The following ATP8A2 variants were observed in gnomAD, a reference collection of about 807,000 sequenced individuals.
ATP8A2 encodes phospholipid-transporting ATPase IB.
In ATP8A2, 100 loss-of-function variants were observed where a neutral mutation model predicts 165.6. The observed-to-expected ratio is 0.60, with a 90% CI of 0.51 to 0.71. ATP8A2 has a LOEUF of 0.71. ATP8A2 is among the 30% of genes least tolerant of loss of function. The probability of loss-of-function intolerance (pLI) is 0.00; values close to 1 mark genes in which losing one functional copy is unlikely to be tolerated. For synonymous variants in ATP8A2, 543 were observed against 548.8 expected (o/e 0.99, Z 0.15); for missense variants, 1,227 against 1,479.5 (o/e 0.83, Z 2.80).
chr13:26,014,662 T>A (rs1956926708), intron 36 of ATP8A2, among the ~76,000 whole-genome samples: 1 of 152,118 alleles, frequency 6.6e-6, no homozygotes, highest in African/African-American at 2.4e-5. Context: ...AAAACAAAAC[T>A]GTCTATGGGA....
chr13:25,978,650 A>T (rs1956112869), intron 35 of ATP8A2, among the ~76,000 whole-genome samples: 2 of 152,162 alleles, frequency 1.3e-5, no homozygotes, highest in South Asian at 4.2e-4. Flanking sequence ...CAAAAAGAAG[A>T]CTCAGGAGAG....
At chr13:25,673,778 G>A (rs1459906451) in intron 24 of ATP8A2, among the ~76,000 whole-genome samples, 1 of 152,160 alleles carries the variant, frequency 6.6e-6, no homozygotes, top group East Asian at 1.9e-4. Context: ...TATAAAATGA[G>A]TCCAGTAATT....
At chr13:25,855,222 G>A (rs1445140192) in intron 30 of ATP8A2, among the ~76,000 whole-genome samples, 3 of 149,520 alleles carry the variant, frequency 2.0e-5, no homozygotes, top group Non-Finnish European at 4.4e-5. Context: ...TTGCACTCCA[G>A]CCTGGGCGAC....
chr13:25,686,459 G>C (rs150122157), intron 24 of ATP8A2, among the ~76,000 whole-genome samples: 40 of 152,200 alleles, frequency 2.6e-4, no homozygotes, highest in African/African-American at 9.2e-4. Context: ...CAGTATCCCA[G>C]TATCAGGGAG....
chr13:25,567,794 TGAA>T (rs2039358303), intron 16 of ATP8A2, among the ~76,000 whole-genome samples: 1 of 152,192 alleles, frequency 6.6e-6, no homozygotes. Flanking sequence ...ACTACAATAA[TGAA>T]GACCATAGAA....
intron 25 of ATP8A2, among the ~76,000 whole-genome samples, chr13:25,758,838 AT>A (rs1406430470): frequency 6.6e-6 from 1 of 152,158 alleles, no homozygotes; most frequent in Non-Finnish European, 1.5e-5. Flanking sequence ...AAGCATTATT[AT>A]TTCCCGCTAT....
chr13:25,411,840 AG>A (rs2033975475), intron 1 of ATP8A2, among the ~76,000 whole-genome samples: 1 of 152,188 alleles, frequency 6.6e-6, no homozygotes, highest in Admixed American at 6.5e-5. Context: ...CATTTCTCTA[AG>A]TGGTAGGATT....
chr13:25,717,731 G>A (rs982283446), intron 25 of ATP8A2, among the ~76,000 whole-genome samples: 1 of 152,210 alleles, frequency 6.6e-6, no homozygotes, highest in Non-Finnish European at 1.5e-5. Flanking sequence ...ATGAATGGCT[G>A]TCCTTTGGTG....
At chr13:25,689,985 C>A in intron 24 of ATP8A2, among the ~76,000 whole-genome samples, 1 of 152,132 alleles carries the variant, frequency 6.6e-6, no homozygotes, top group East Asian at 1.9e-4. Flanking sequence ...AGAGATTTAA[C>A]AGTATTCAAG....
chr13:25,635,708 T>C (rs1009604136), intron 24 of ATP8A2, among the ~76,000 whole-genome samples: 7 of 152,172 alleles, frequency 4.6e-5, no homozygotes, highest in Non-Finnish European at 7.3e-5. Context: ...TGCTCAAGTT[T>C]TGAAGATTTC....
intron 25 of ATP8A2, among the ~76,000 whole-genome samples, chr13:25,726,394 G>T (rs1179159796): frequency 6.6e-6 from 1 of 152,228 alleles, no homozygotes; most frequent in South Asian, 2.1e-4. Context: ...CAAAGGTAGT[G>T]GCTTAAAACA....
At chr13:25,989,673 C>T (rs941618795) in intron 35 of ATP8A2, among the ~76,000 whole-genome samples, 1 of 152,156 alleles carries the variant, frequency 6.6e-6, no homozygotes, top group Admixed American at 6.5e-5. Context: ...ATTCTCTCCT[C>T]TATTTATTTT....
intron 24 of ATP8A2, among the ~76,000 whole-genome samples, chr13:25,595,419 G>A (rs1413268568): frequency 6.6e-6 from 1 of 152,190 alleles, no homozygotes; most frequent in East Asian, 1.9e-4. Flanking sequence ...CTGTGGATGG[G>A]TGTGGCCATA....
intron 24 of ATP8A2, among the ~76,000 whole-genome samples, chr13:25,677,761 C>T (rs1176668378): frequency 6.6e-6 from 1 of 152,126 alleles, no homozygotes; most frequent in Non-Finnish European, 1.5e-5. Context: ...TGAATTCAAA[C>T]ATTTCAGTCT....
chr13:25,602,989 T>A (rs149397860), intron 24 of ATP8A2, among the ~76,000 whole-genome samples: 1 of 152,178 alleles, frequency 6.6e-6, no homozygotes, highest in Non-Finnish European at 1.5e-5. Context: ...AAAGAATTGC[T>A]TGAACATGGG....
chr13:25,407,987 G>C (rs939885811), intron 1 of ATP8A2, among the ~76,000 whole-genome samples: 4 of 152,062 alleles, frequency 2.6e-5, no homozygotes, highest in African/African-American at 9.7e-5. Context: ...CTCGATGACG[G>C]GTTGGTCAGT....
At chr13:25,426,402 T>C (rs1482252339) in intron 1 of ATP8A2, among the ~76,000 whole-genome samples, 3 of 152,078 alleles carry the variant, frequency 2.0e-5, no homozygotes, top group Non-Finnish European at 4.4e-5. Flanking sequence ...GCACCAAGCT[T>C]TGAGGGAGCC....
At chr13:25,449,553 G>A (rs1475086340) in intron 1 of ATP8A2, among the ~76,000 whole-genome samples, 1 of 152,208 alleles carries the variant, frequency 6.6e-6, no homozygotes, top group Non-Finnish European at 1.5e-5. Context: ...TGTTCCCTAA[G>A]TGTCAGCTGT....
chr13:25,619,417 C>T (rs1169462753), intron 24 of ATP8A2, among the ~76,000 whole-genome samples: 2 of 152,086 alleles, frequency 1.3e-5, no homozygotes, highest in Non-Finnish European at 2.9e-5. Context: ...AATCATAAAG[C>T]ACAAGAAAGA....
Sources: allele counts gnomAD v4.1 joint callset (sites outside exome capture counted in the v4.1 genomes callset), GRCh38; gene constraint gnomAD v4.1.1; transcripts MANE v1.5; gene names NCBI Gene and HGNC (gene_info 2026-07-23, HGNC 2026-07-21).